Variants in METTL22 observed in about 807,000 individuals in gnomAD.
METTL22 encodes the protein methyltransferase-like protein 22.
Under a neutral mutation model 48.4 loss-of-function variants are expected in METTL22, and 51 were observed. The ratio of observed to expected loss-of-function variants is 1.05; its 90% CI spans 0.84 to 1.33. The LOEUF is 1.33. METTL22 is among the 40% of genes most tolerant of loss of function. METTL22 has a pLI of 0.00. For synonymous variants in METTL22, 255 were observed against 214.1 expected (o/e 1.19, Z -1.67); for missense variants, 678 against 526.9 (o/e 1.29, Z -2.81).
the METTL22 span, among the ~76,000 whole-genome samples, chr16:8,657,287 C>G: frequency 6.6e-6 from 1 of 152,122 alleles, no homozygotes; most frequent in Non-Finnish European, 1.5e-5. Flanking sequence ...AAAAATGTAT[C>G]TTGCATTTGA....
chr16:8,628,072 GT>G (rs1244039836), intron 2 of METTL22, among the ~76,000 whole-genome samples: 1 of 152,180 alleles, frequency 6.6e-6, no homozygotes, highest in Non-Finnish European at 1.5e-5. Context: ...TACAGGAAAA[GT>G]TTGCTCACCC....
At chr16:8,667,027 C>T in the METTL22 span, 1 of 151,856 alleles carries the variant, frequency 6.6e-6, no homozygotes, top group Non-Finnish European at 1.5e-5. Flanking sequence ...AACTCCTGAC[C>T]TCAGTTGATC....
rs1231763730 is a variant in METTL22 at position 8,649,343 on chromosome 16, G to T, written c.*3200G>T. The T allele has an allele frequency of 6.6e-6, 1 of 152,118 alleles. No homozygotes were observed. The highest frequency in any genetic ancestry group is 2.4e-5 in the African/African-American group (1 of 41,420). 9.4% of individuals were successfully genotyped at this position (152,118 alleles called of 1,614,324 possible). On this transcript the variant is annotated 3_prime_UTR_variant, in exon 11 of 11. Coordinates refer to ENST00000381920, the MANE Select transcript of METTL22 (RefSeq NM_024109.4). Reference sequence around the variant, plus strand: ...TTGAGCCTCTACAAGTGCTTGTTTGGCAGCGATATTCAGAATCACCAAACC... The same window carrying T: ...TTGAGCCTCTACAAGTGCTTGTTTGTCAGCGATATTCAGAATCACCAAACC...
the METTL22 span, among the ~76,000 whole-genome samples, chr16:8,656,202 C>T: frequency 1.4e-4 from 21 of 152,260 alleles, 2 homozygotes; most frequent in African/African-American, 3.9e-4. Context: ...CTACCTCAGC[C>T]TCCCAAGGAG....
chr16:8,640,942 A>ATGGATGGATGGATGGG (rs1489485742), intron 6 of METTL22, among the ~76,000 whole-genome samples, 189 bp from the exon 7 acceptor site: 2 of 43,630 alleles, frequency 4.6e-5, no homozygotes, highest in African/African-American at 2.1e-4. Context: ...GGATGGATGG[A>ATGGATGGATGGATGGG]TGGGTGGGTG....
intron 3 of METTL22, among the ~76,000 whole-genome samples, chr16:8,632,648 C>T (rs1384017267): frequency 2.6e-5 from 4 of 152,176 alleles, no homozygotes; most frequent in African/African-American, 9.7e-5. Context: ...AGATGTCTGC[C>T]GAGCCTGTGC....
At chr16:8,661,719 CTATTT>C in the METTL22 span, among the ~76,000 whole-genome samples, 1 of 141,108 alleles carries the variant, frequency 7.1e-6, no homozygotes, top group African/African-American at 2.7e-5. Flanking sequence ...TTATTTTATT[CTATTT>C]TATTTTATCA....
rs753441360 is a variant in METTL22, at chr16:8,642,107, G to A, written c.827-20G>A. ...GGAGAGAAGGCAATGGGCACAAAGTGTGCTTTTGTTCTTTCTTAGATCCCA... is the reference window on the plus strand; with the variant it reads ...GGAGAGAAGGCAATGGGCACAAAGTATGCTTTTGTTCTTTCTTAGATCCCA... On this transcript the variant is annotated intron_variant, in intron 7 of 10. Coordinates refer to ENST00000381920, the MANE Select transcript of METTL22 (RefSeq NM_024109.4). The A allele has an allele frequency of 1.3e-6, 2 of 1,590,982 alleles. No homozygotes were observed. Among genetic ancestry groups the A allele is most frequent in the Admixed American group, 1.7e-5 (1 of 60,012 alleles).
At chr16:8,655,756 C>T in the METTL22 span, among the ~76,000 whole-genome samples, 2 of 152,232 alleles carry the variant, frequency 1.3e-5, no homozygotes, top group Non-Finnish European at 2.9e-5. Flanking sequence ...TGTTCTCATA[C>T]CCACAGCTGA....
intron 2 of METTL22, 84 bp downstream of exon 2, chr16:8,625,882 A>G (rs559585815): frequency 6.5e-7 from 1 of 1,537,152 alleles, no homozygotes; most frequent in South Asian, 1.2e-5. Context: ...AAATATTGGG[A>G]AGACTGGATT....
the METTL22 span, among the ~76,000 whole-genome samples, chr16:8,656,034 A>C: frequency 2.0e-5 from 3 of 152,132 alleles, no homozygotes; most frequent in African/African-American, 7.2e-5. Context: ...TGTTCTCCAA[A>C]GTATGGCGAG....
At chr16:8,623,927 T>C (rs1468385874) in intron 1 of METTL22, 4 of 152,180 alleles carry the variant, frequency 2.6e-5, no homozygotes, top group Non-Finnish European at 5.9e-5. Flanking sequence ...AGTCAGGGGT[T>C]ACAGGCAGGT....
In METTL22 at chr16:8,647,349, C is replaced by G. The variant is rs1032057910; in HGVS notation, c.*1206C>G. 2 of 153,488 alleles carry G rather than the reference C, an allele frequency of 1.3e-5. No individual in the cohort carries two copies. Among genetic ancestry groups the G allele is most frequent in the African/African-American group, 2.4e-5 (1 of 41,452 alleles). 9.5% of individuals were successfully genotyped at this position (153,488 alleles called of 1,614,324 possible). A position where few individuals can be genotyped will look rare whatever the true frequency, so the allele number is the denominator to read the frequency against. ...CCATGAGGTCAGGGACCTTGTTTGT[C>G]TTAAATATCACTACATCCCTGCTGT... On this transcript the variant is annotated 3_prime_UTR_variant, in exon 11 of 11. Transcript: ENST00000381920.
In METTL22 at chr16:8,643,969, GAAAGA is replaced by G. The variant is rs1327840670; in HGVS notation, c.1011-583_1011-579del. 5.9e-5 allele frequency among the ~76,000 whole-genome samples: 9 copies of G among 152,254 alleles called. No homozygotes were observed. The South Asian group carries it at 1.5e-3, about 25-fold the overall frequency. On this transcript the variant is annotated intron_variant, in intron 9 of 10. Transcript: ENST00000381920. ...GAATTTTTCTTGATAAAAAAATTTG[GAAAGA>G]AAAGGGAAAAAGGCAAAGAGCTTTA...
At chr16:8,660,820 GGAGGAGGAGGGGGA>G in the METTL22 span, among the ~76,000 whole-genome samples, 3 of 7,598 alleles carry the variant, frequency 3.9e-4, no homozygotes, top group Non-Finnish European at 1.3e-3. Flanking sequence ...AGGAGGAGGA[GGAGGAGGAGGGGGA>G]GGAGGGGGAG....
At position 8,642,156 on chromosome 16, in the gene METTL22, G is replaced by C; in HGVS notation, c.856G>C (p.Glu286Gln). 1 of 1,613,894 alleles carries C rather than the reference G, an allele frequency of 6.2e-7. No homozygotes were observed. The highest frequency in any genetic ancestry group is 8.5e-7 in the Non-Finnish European group (1 of 1,179,806). The part of the protein sequence containing the change: ...DPKVPFSWSQ[E>Q]EISDLYDHTT... ...CAAGGTCCCCTTCAGTTGGTCACAA[G>C]AGGAAATTTCTGACTTGTACGATCA... Residue 286 changes from glutamate (E) to glutamine (Q), a missense_variant, in exon 8 of 11, where the codon GAG becomes CAG. By Grantham distance (29) the Glu-to-Gln change is conservative. Transcript: ENST00000381920.
chr16:8,639,531 C>G, intron 6 of METTL22: 1 of 259,760 alleles, frequency 3.8e-6, no homozygotes, highest in South Asian at 5.2e-5. Context: ...CTGAAAACCT[C>G]CCAGGGGCGT....
chr16:8,658,849 C>T, the METTL22 span, among the ~76,000 whole-genome samples: 1 of 152,150 alleles, frequency 6.6e-6, no homozygotes, highest in African/African-American at 2.4e-5. Flanking sequence ...AGGCCTGGCC[C>T]CTGCCTCCCT....
chr16:8,661,298 C>T, the METTL22 span, among the ~76,000 whole-genome samples: 2 of 151,998 alleles, frequency 1.3e-5, no homozygotes, highest in African/African-American at 2.4e-5. Flanking sequence ...TTCTGAGAGC[C>T]GCCAGTACCC....
Sources: gnomAD v4.1 joint callset for allele counts (sites outside exome capture counted in the v4.1 genomes callset) on GRCh38, gnomAD v4.1.1 for gene constraint, MANE v1.5 for transcripts, NCBI Gene and HGNC (gene_info 2026-07-23, HGNC 2026-07-21) for gene names.